SMIM35: variants seen among roughly 807,000 people sequenced by gnomAD.
The protein encoded by SMIM35 is TMPRSS4 antisense RNA 1 (non-protein coding).
rs183279841 is a variant in SMIM35, at chr11:118,014,220, T to C, written c.159-340A>G. Reference sequence around the variant, plus strand: ...ATGAAATGCTTGAAGACAGAGACTATGCCCAGTCATCTTTGTACTCTTTGA... The same window carrying C: ...ATGAAATGCTTGAAGACAGAGACTACGCCCAGTCATCTTTGTACTCTTTGA... On this transcript the variant is annotated intron_variant, in intron 3 of 4. Coordinates refer to ENST00000689828, the MANE Select transcript of SMIM35 (RefSeq NM_001394165.1). Among the ~76,000 whole-genome samples the C allele has an allele frequency of 3.3e-5, 5 of 152,332 alleles. No homozygotes were observed. The East Asian group carries it at 5.8e-4, about 18-fold the overall frequency.
chr11:118,017,924 C>G (rs928163238), intron 1 of SMIM35, among the ~76,000 whole-genome samples: 1 of 152,154 alleles, frequency 6.6e-6, no homozygotes, highest in African/African-American at 2.4e-5. Flanking sequence ...AGAGGGTACC[C>G]ACCCCCATGA....
intron 1 of SMIM35, among the ~76,000 whole-genome samples, chr11:118,033,335 C>A (rs188886930): frequency 5.2e-4 from 79 of 152,106 alleles, no homozygotes; most frequent in African/African-American, 1.8e-3. Context: ...CTCACCCAAA[C>A]CTTACCCTGT....
Position 118,006,864 on chromosome 11 carries a change from T to C in SMIM35, c.*34-488A>G, listed in dbSNP as rs988828991. Among the ~76,000 whole-genome samples, 4 of 152,338 alleles carry C rather than the reference T, an allele frequency of 2.6e-5. No homozygotes were observed. The Middle Eastern group carries it at 0.014, about 518-fold the overall frequency. On this transcript the variant is annotated intron_variant, in intron 4 of 4. Coordinates refer to ENST00000689828, the MANE Select transcript of SMIM35 (RefSeq NM_001394165.1). ...TGGGTGTTGTAGGAACTCAGGGCTA[T>C]AGACCAAATGGGAAGGCAAGGGGAT...
At chr11:118,041,622 A>G (rs1944001990) in intron 1 of SMIM35, among the ~76,000 whole-genome samples, 1 of 152,202 alleles carries the variant, frequency 6.6e-6, no homozygotes, top group Non-Finnish European at 1.5e-5. Context: ...GAATGAAAAT[A>G]AAGACCCGGT....
intron 1 of SMIM35, among the ~76,000 whole-genome samples, chr11:118,032,576 AT>A (rs199781790): frequency 4.0e-5 from 6 of 150,872 alleles, no homozygotes; most frequent in Non-Finnish European, 7.4e-5. Flanking sequence ...TGCATAGTTT[AT>A]TTTTTTTTGC....
chr11:118,012,052 A>G (rs1804748504), intron 4 of SMIM35, among the ~76,000 whole-genome samples: 1 of 152,124 alleles, frequency 6.6e-6, no homozygotes, highest in Admixed American at 6.5e-5. Flanking sequence ...CCAAAACGAG[A>G]AATGAGGCTT....
intron 1 of SMIM35, among the ~76,000 whole-genome samples, chr11:118,039,711 A>T (rs924281593): frequency 6.0e-5 from 9 of 150,938 alleles, no homozygotes; most frequent in Admixed American, 5.9e-4. Flanking sequence ...CCCTGTCTCA[A>T]AATAATAATA....
At chr11:118,031,621 C>CA (rs1482471885) in intron 1 of SMIM35, among the ~76,000 whole-genome samples, 1 of 151,808 alleles carries the variant, frequency 6.6e-6, no homozygotes, top group Non-Finnish European at 1.5e-5. Flanking sequence ...ACCATGAGTC[C>CA]AAAAGACATT....
intron 4 of SMIM35, among the ~76,000 whole-genome samples, chr11:118,012,123 T>C (rs1271308429): frequency 1.3e-5 from 2 of 152,200 alleles, no homozygotes; most frequent in South Asian, 2.1e-4. Flanking sequence ...ACTTGCTCTA[T>C]TGGGCTCCTG....
At chr11:118,066,611 C>T (rs1944478200) in intron 1 of SMIM35, among the ~76,000 whole-genome samples, 1 of 152,098 alleles carries the variant, frequency 6.6e-6, no homozygotes, top group African/African-American at 2.4e-5. Context: ...TAGCCAATAT[C>T]TGAAGGCATA....
rs559795567 is a variant in SMIM35, at chr11:118,059,872, C to T, written c.7+26879G>A. ...TTGTCTAGAATTCCGGCTCCCACGC[C>T]GGCCTAGGGATCAGAGGCCTCCCAC... is the stretch of plus-strand genomic sequence containing the variant. On this transcript the variant is annotated intron_variant, in intron 1 of 4. Coordinates refer to ENST00000689828, the MANE Select transcript of SMIM35 (RefSeq NM_001394165.1). Among the ~76,000 whole-genome samples the T allele has an allele frequency of 6.6e-5, 10 of 152,310 alleles. No individual in the cohort carries two copies. The East Asian group carries it at 1.5e-3, about 24-fold the overall frequency.
At chr11:118,084,074 C>G (rs1454464082) in intron 1 of SMIM35, among the ~76,000 whole-genome samples, 1 of 152,110 alleles carries the variant, frequency 6.6e-6, no homozygotes, top group African/African-American at 2.4e-5. Flanking sequence ...GTACTCTTAC[C>G]GTGCACCAGG....
intron 1 of SMIM35, among the ~76,000 whole-genome samples, chr11:118,040,944 T>A (rs1386377964): frequency 6.6e-6 from 1 of 151,438 alleles, no homozygotes; most frequent in Non-Finnish European, 1.5e-5. Context: ...AACAAAAATA[T>A]ATTGCATAAT....
At chr11:118,075,188 C>A (rs1183030876) in intron 1 of SMIM35, among the ~76,000 whole-genome samples, 2 of 152,196 alleles carry the variant, frequency 1.3e-5, no homozygotes, top group Non-Finnish European at 2.9e-5. Flanking sequence ...CCTGCCTGGA[C>A]CATCACGGCC....
At chr11:118,076,585 A>T (rs1323663581) in intron 1 of SMIM35, among the ~76,000 whole-genome samples, 4 of 152,186 alleles carry the variant, frequency 2.6e-5, no homozygotes, top group Non-Finnish European at 5.9e-5. Context: ...AAGCACTAGT[A>T]CATTGGCTCT....
At chr11:118,077,344 G>C (rs371036481) in intron 1 of SMIM35, 19 of 1,579,136 alleles carry the variant, frequency 1.2e-5, no homozygotes, top group Non-Finnish European at 1.6e-5. Context: ...CACAGGAAGG[G>C]TGGGTCTCCC....
At chr11:118,072,296 C>T (rs1010831097) in intron 1 of SMIM35, among the ~76,000 whole-genome samples, 1 of 152,110 alleles carries the variant, frequency 6.6e-6, no homozygotes, top group African/African-American at 2.4e-5. Flanking sequence ...TCGAGATCAG[C>T]CTGGCCAACA....
intron 1 of SMIM35, among the ~76,000 whole-genome samples, chr11:118,033,191 G>A (rs867878450): frequency 2.4e-4 from 37 of 152,282 alleles, no homozygotes; most frequent in Middle Eastern, 3.4e-3. Context: ...ATCTGTATGA[G>A]GGATTGTTCT....
chr11:118,066,321 A>G (rs1944474002), intron 1 of SMIM35, among the ~76,000 whole-genome samples: 1 of 151,824 alleles, frequency 6.6e-6, no homozygotes, highest in Non-Finnish European at 1.5e-5. Context: ...TGGCTGCCCT[A>G]CCCTGGGTTT....
Sources: gnomAD v4.1 joint callset for allele counts (sites outside exome capture counted in the v4.1 genomes callset) on GRCh38, gnomAD v4.1.1 for gene constraint, MANE v1.5 for transcripts, NCBI Gene and HGNC (gene_info 2026-07-23, HGNC 2026-07-21) for gene names.